EPHX4: variants seen among roughly 807,000 people sequenced by gnomAD.
The protein encoded by EPHX4 is epoxide hydrolase 4.
EPHX4 carries 31 observed loss-of-function variants against 44.9 expected under a neutral mutation model. The observed-to-expected ratio is 0.69, with a 90% confidence interval of 0.52 to 0.93. EPHX4 has a LOEUF of 0.93. EPHX4 is among the 40% of genes least tolerant of loss of function. The pLI is 0.00. For missense variants in EPHX4, 373 were observed against 438.1 expected, an observed-to-expected ratio of 0.85 and a Z score of 1.33; for synonymous variants, 151 against 159.7, an observed-to-expected ratio of 0.95 and a Z score of 0.41.
intron 3 of EPHX4, among the ~76,000 whole-genome samples, chr1:92,045,178 G>T (rs947116052): frequency 3.3e-5 from 5 of 151,966 alleles, no homozygotes; most frequent in Non-Finnish European, 7.4e-5. Flanking sequence ...TTGGGGGGAG[G>T]TCTTGCTATG....
intron 4 of EPHX4, among the ~76,000 whole-genome samples, chr1:92,046,455 T>C (rs1156690932): frequency 2.0e-5 from 3 of 152,188 alleles, no homozygotes; most frequent in Non-Finnish European, 4.4e-5. Flanking sequence ...ATTAATGGTT[T>C]TGTTTTGTTT....
chr1:92,038,734 G>A (rs1296121038), intron 2 of EPHX4, among the ~76,000 whole-genome samples: 1 of 152,138 alleles, frequency 6.6e-6, no homozygotes, highest in Non-Finnish European at 1.5e-5. Context: ...GGGGTAATAG[G>A]GGAATGGTGG....
intron 1 of EPHX4, among the ~76,000 whole-genome samples, chr1:92,032,152 A>G (rs1688369765): frequency 6.6e-6 from 1 of 152,204 alleles, no homozygotes; most frequent in African/African-American, 2.4e-5. Context: ...AAAGTTACAA[A>G]TGGTAAGATG....
intron 4 of EPHX4, among the ~76,000 whole-genome samples, chr1:92,049,719 A>T (rs140108298): frequency 5.1e-4 from 77 of 152,344 alleles, no homozygotes; most frequent in African/African-American, 1.7e-3. Flanking sequence ...TAGGTCACTG[A>T]TAATGACCTT....
rs182844143 is a variant in EPHX4, at chr1:92,058,157, T to A, written c.858-4898T>A. ...TGAGTTAGCATTAAAAATCAATTAA[T>A]TAGGCTGGGCACAGTGGCTCACACC... On this transcript the variant is annotated intron_variant, in intron 6 of 6. Transcript: ENST00000370383. Among the ~76,000 whole-genome samples, 328 of 152,226 alleles carry A rather than the reference T, an allele frequency of 2.2e-3. 1 individual carries two copies. The highest frequency in any genetic ancestry group is 3.5e-3 in the Non-Finnish European group (240 of 67,998).
intron 2 of EPHX4, among the ~76,000 whole-genome samples, chr1:92,039,763 C>T (rs1404986378): frequency 9.9e-5 from 15 of 152,068 alleles, no homozygotes; most frequent in Non-Finnish European, 1.6e-4. Flanking sequence ...AAGCGATTCT[C>T]CTGCCTCAGC....
chr1:92,051,677 G>A (rs999216126), intron 5 of EPHX4, among the ~76,000 whole-genome samples: 1 of 152,080 alleles, frequency 6.6e-6, no homozygotes, highest in Admixed American at 6.6e-5. Flanking sequence ...CATCCCATCA[G>A]GGAAATGCAT....
chr1:92,044,951 C>T (rs182497266), intron 3 of EPHX4, among the ~76,000 whole-genome samples: 17 of 152,020 alleles, frequency 1.1e-4, no homozygotes, highest in East Asian at 9.7e-4. Context: ...CTTTTGTACC[C>T]CCCCACACTT....
At chr1:92,042,724 CA>C (rs66834073) in intron 2 of EPHX4, 98 bp from the exon 3 acceptor site, 82,812 of 682,934 alleles carry the variant, frequency 0.12, 2 homozygotes, top group South Asian at 0.16. Context: ...AACTCTGTCT[CA>C]AAAAAAAAAA....
At chr1:92,054,983 C>A (rs190397161) in intron 6 of EPHX4, among the ~76,000 whole-genome samples, 1 of 151,698 alleles carries the variant, frequency 6.6e-6, no homozygotes, top group Admixed American at 6.6e-5. Context: ...TTAGAAATTG[C>A]GTATGTATAT....
chr1:92,062,383 A>G (rs1647517814), intron 6 of EPHX4, among the ~76,000 whole-genome samples: 1 of 151,986 alleles, frequency 6.6e-6, no homozygotes, highest in Non-Finnish European at 1.5e-5. Flanking sequence ...CAGGAGTTCA[A>G]GACCAGCCTG....
At chr1:92,048,903 A>C (rs1332426606) in intron 4 of EPHX4, among the ~76,000 whole-genome samples, 1 of 151,756 alleles carries the variant, frequency 6.6e-6, no homozygotes, top group Non-Finnish European at 1.5e-5. Flanking sequence ...GTATCTTGCT[A>C]TGTTGCCCAG....
chr1:92,040,900 A>G (rs1423800994), intron 2 of EPHX4, among the ~76,000 whole-genome samples: 17 of 152,072 alleles, frequency 1.1e-4, no homozygotes. Flanking sequence ...TGCACTCCAA[A>G]AGTATTTTCA....
At chr1:92,034,201 G>A (rs564833977) in intron 2 of EPHX4, among the ~76,000 whole-genome samples, 81 of 149,610 alleles carry the variant, frequency 5.4e-4, no homozygotes, top group Non-Finnish European at 8.6e-4. Flanking sequence ...TCGGGAGGCT[G>A]AGGCAGGAGA....
At chr1:92,044,870 A>G (rs1688561714) in intron 3 of EPHX4, among the ~76,000 whole-genome samples, 3 of 152,160 alleles carry the variant, frequency 2.0e-5, no homozygotes, top group Admixed American at 6.5e-5. Context: ...AGTCTTTACC[A>G]TGGTTTCCAA....
At chr1:92,045,466 A>G in intron 3 of EPHX4, 66 bp from the exon 4 acceptor site, 1 of 1,567,272 alleles carries the variant, frequency 6.4e-7, no homozygotes, top group Non-Finnish European at 8.7e-7. Flanking sequence ...TAACTATTTT[A>G]TGTGAGGTAA....
chr1:92,042,804 G>A lies in EPHX4; in HGVS notation c.318-19G>A. On this transcript the variant is annotated intron_variant, in intron 2 of 6. Transcript: ENST00000370383. ...TACTAGCTAATATGATATTTTAAATGCTTCCTTTTTTCCTGCAGGTATTCT... is the reference window on the plus strand; with the variant it reads ...TACTAGCTAATATGATATTTTAAATACTTCCTTTTTTCCTGCAGGTATTCT... The A allele has an allele frequency of 6.3e-7, 1 of 1,596,084 alleles. No individual in the cohort carries two copies. The highest frequency in any genetic ancestry group is 8.5e-7 in the Non-Finnish European group (1 of 1,172,920).
intron 6 of EPHX4, among the ~76,000 whole-genome samples, chr1:92,054,276 C>T (rs528497907): frequency 6.6e-6 from 1 of 152,112 alleles, no homozygotes; most frequent in African/African-American, 2.4e-5. Context: ...CAGATGAAGT[C>T]CCCTAAAGAT....
chr1:92,034,609 A>C (rs1336653826), intron 2 of EPHX4, among the ~76,000 whole-genome samples: 1 of 150,618 alleles, frequency 6.6e-6, no homozygotes, highest in African/African-American at 2.4e-5. Context: ...TTTAAAATGC[A>C]TCTAGTGCTG....
Sources: gnomAD v4.1 joint callset for allele counts (sites outside exome capture counted in the v4.1 genomes callset) on GRCh38, gnomAD v4.1.1 for gene constraint, MANE v1.5 for transcripts, NCBI Gene and HGNC (gene_info 2026-07-23, HGNC 2026-07-21) for gene names.